NRG1: variants seen among roughly 807,000 people sequenced by gnomAD.
The protein encoded by NRG1 is pro-neuregulin-1, membrane-bound isoform.
Under a neutral mutation model 63.8 loss-of-function variants are expected in NRG1, and 18 were observed. The observed-to-expected ratio is 0.28, with a 90% CI of 0.19 to 0.42. The LOEUF is 0.42. Among genes scored for constraint, NRG1 ranks in the 10% least tolerant of loss-of-function variants. NRG1 has a pLI of 1.00. For missense variants in NRG1, 762 were observed against 814.7 expected (o/e 0.94, Z 0.79); for synonymous variants, 302 against 301.3 (o/e 1.00, Z -0.02).
chr8:32,475,127 T>C (rs1418892500), intron 1 of NRG1, among the ~76,000 whole-genome samples: 1 of 152,060 alleles, frequency 6.6e-6, no homozygotes, highest in Non-Finnish European at 1.5e-5. Context: ...CTTACTGCCA[T>C]CCCTTCTAAG....
chr8:31,673,060 A>C (rs1054883415), intron 1 of NRG1, among the ~76,000 whole-genome samples: 1 of 151,952 alleles, frequency 6.6e-6, no homozygotes, highest in African/African-American at 2.4e-5. Flanking sequence ...TTTTGATTAG[A>C]TGATCATCAA....
chr8:31,775,740 G>T (rs1819056000), intron 1 of NRG1, among the ~76,000 whole-genome samples: 1 of 151,778 alleles, frequency 6.6e-6, no homozygotes, highest in South Asian at 2.1e-4. Flanking sequence ...AAAATTAGCT[G>T]GGCATGATGG....
intron 1 of NRG1, among the ~76,000 whole-genome samples, chr8:31,777,097 C>T (rs1425817610): frequency 6.6e-6 from 1 of 152,048 alleles, no homozygotes; most frequent in African/African-American, 2.4e-5. Flanking sequence ...TTTAATTGCC[C>T]TTATGAGACC....
intron 1 of NRG1, among the ~76,000 whole-genome samples, chr8:32,478,628 G>A (rs1587876580): frequency 6.6e-6 from 1 of 152,142 alleles, no homozygotes; most frequent in Admixed American, 6.6e-5. Context: ...AATCAACTAC[G>A]AAATGAGTAT....
At chr8:32,227,739 T>C (rs1846485750) in intron 1 of NRG1, among the ~76,000 whole-genome samples, 1 of 152,130 alleles carries the variant, frequency 6.6e-6, no homozygotes, top group Admixed American at 6.6e-5. Context: ...TCAGAATACA[T>C]ACTTAGACCC....
chr8:32,274,945 C>T (rs1305926147), intron 1 of NRG1, among the ~76,000 whole-genome samples: 1 of 152,166 alleles, frequency 6.6e-6, no homozygotes, highest in Non-Finnish European at 1.5e-5. Flanking sequence ...TGGCTTGATC[C>T]TCCCATGTAC....
chr8:31,812,422 G>T (rs1316206781), intron 1 of NRG1, among the ~76,000 whole-genome samples: 1 of 152,204 alleles, frequency 6.6e-6, no homozygotes, highest in East Asian at 1.9e-4. Flanking sequence ...AGAACCGCTA[G>T]ATTAGACAGT....
intron 1 of NRG1, among the ~76,000 whole-genome samples, chr8:32,094,973 G>A (rs991373529): frequency 2.1e-4 from 32 of 149,058 alleles, no homozygotes; most frequent in African/African-American, 7.2e-4. Context: ...GTGCACTGGC[G>A]TGATCTCGGC....
At chr8:32,274,670 TCAGA>T (rs1282676593) in intron 1 of NRG1, among the ~76,000 whole-genome samples, 4 of 152,156 alleles carry the variant, frequency 2.6e-5, no homozygotes, top group African/African-American at 4.8e-5. Flanking sequence ...ACCTGAGTCT[TCAGA>T]CAGTTTTACC....
intron 1 of NRG1, among the ~76,000 whole-genome samples, chr8:31,956,163 A>C (rs564447428): frequency 8.6e-4 from 131 of 152,248 alleles, no homozygotes; most frequent in African/African-American, 3.1e-3. Context: ...GAACCCAAAC[A>C]GCTGATAATG....
In NRG1 at chr8:32,649,683, G is replaced by A. The variant is rs573113278; in HGVS notation, c.502+32798G>A. Among the ~76,000 whole-genome samples, 10 of 152,142 alleles carry A rather than the reference G, an allele frequency of 6.6e-5. 1 individual carries two copies. The highest frequency in any genetic ancestry group is 6.2e-4 in the South Asian group (3 of 4,816). On this transcript the variant is annotated intron_variant, in intron 5 of 11. Transcript: ENST00000356819. ...TGCTTGTAACTCCCGATCATTTCAC[G>A]AACACCAGATTCAGTGGCAAAGATT...
chr8:31,943,763 A>C (rs1427373741), intron 1 of NRG1, among the ~76,000 whole-genome samples: 1 of 152,170 alleles, frequency 6.6e-6, no homozygotes, highest in African/African-American at 2.4e-5. Flanking sequence ...TTTCTGGCTA[A>C]ATGTAAGAAG....
chr8:32,340,812 A>G (rs1803981426), intron 1 of NRG1, among the ~76,000 whole-genome samples: 1 of 152,210 alleles, frequency 6.6e-6, no homozygotes, highest in African/African-American at 2.4e-5. Flanking sequence ...TCAGCAAATG[A>G]TAGCCAATGG....
intron 1 of NRG1, among the ~76,000 whole-genome samples, chr8:32,150,021 T>C (rs1243244924): frequency 6.6e-6 from 1 of 152,236 alleles, no homozygotes; most frequent in Non-Finnish European, 1.5e-5. Context: ...TATATATGTA[T>C]TGATTGAATT....
intron 1 of NRG1, among the ~76,000 whole-genome samples, chr8:32,230,466 G>A (rs1485695590): frequency 6.6e-6 from 1 of 152,172 alleles, no homozygotes; most frequent in Non-Finnish European, 1.5e-5. Flanking sequence ...GATGGAAATA[G>A]AGGGCACCCA....
intron 5 of NRG1, among the ~76,000 whole-genome samples, chr8:32,709,808 C>T (rs574513711): frequency 6.6e-6 from 1 of 152,062 alleles, no homozygotes; most frequent in South Asian, 2.1e-4. Flanking sequence ...GAAGATAAGG[C>T]TTGGCATAGT....
At chr8:32,241,585 G>A (rs1848100065) in intron 1 of NRG1, among the ~76,000 whole-genome samples, 1 of 152,082 alleles carries the variant, frequency 6.6e-6, no homozygotes. Flanking sequence ...CCAATGAAAT[G>A]CAAAAAGTTA....
At chr8:31,715,788 G>A (rs1371342436) in intron 1 of NRG1, among the ~76,000 whole-genome samples, 9 of 152,122 alleles carry the variant, frequency 5.9e-5, no homozygotes, top group Admixed American at 5.9e-4. Flanking sequence ...ATGAGAAAAT[G>A]GGAAGTGTTT....
intron 1 of NRG1, among the ~76,000 whole-genome samples, chr8:32,067,201 C>T (rs1157278627): frequency 1.3e-5 from 2 of 152,060 alleles, no homozygotes; most frequent in East Asian, 3.9e-4. Context: ...GTCTGATTGC[C>T]CTGGCCAGAA....
Sources: gnomAD v4.1 joint callset for allele counts (sites outside exome capture counted in the v4.1 genomes callset) on GRCh38, gnomAD v4.1.1 for gene constraint, MANE v1.5 for transcripts, NCBI Gene and HGNC (gene_info 2026-07-23, HGNC 2026-07-21) for gene names.